Variants in ITGA8 observed in about 807,000 individuals in gnomAD.
ITGA8 encodes the protein integrin alpha-8.
A neutral mutation model predicts 142.3 loss-of-function variants in ITGA8; 91 were observed. That is an observed-to-expected ratio of 0.64 (90% CI 0.54 to 0.76). The LOEUF (loss-of-function observed/expected upper bound fraction) is 0.76, where lower values mean the gene tolerates loss of function less well. ITGA8 is among the 30% of genes least tolerant of loss of function. ITGA8 has a pLI of 0.00. For missense variants in ITGA8, 1,406 were observed against 1,327.7 expected, an observed-to-expected ratio of 1.06 and a Z score of -0.92; for synonymous variants, 505 against 485.2, an observed-to-expected ratio of 1.04 and a Z score of -0.54.
intron 26 of ITGA8, among the ~76,000 whole-genome samples, chr10:15,551,907 G>C (rs1833798334): frequency 6.6e-6 from 1 of 152,108 alleles, no homozygotes; most frequent in Non-Finnish European, 1.5e-5. Context: ...ACCAGATATG[G>C]AAATCAAGAA....
rs374308836 is a variant in ITGA8, at chr10:15,632,950, T to TTGC, written c.1399+11077_1399+11079dup. 2.6e-5 allele frequency among the ~76,000 whole-genome samples: 4 copies of TTGC among 152,272 alleles called. No homozygotes were observed. The East Asian group carries it at 5.8e-4, about 22-fold the overall frequency. On this transcript the variant is annotated intron_variant, in intron 13 of 29. Transcript: ENST00000378076. Reference sequence around the variant, plus strand: ...CCAGACACCTCCAGCTGCCCTGGCCTTGCTGCTACATCACGTGGTTCATCT... The same window carrying TTGC: ...CCAGACACCTCCAGCTGCCCTGGCCTTGCTGCTGCTACATCACGTGGTTCATCT...
rs139960766 is a variant in ITGA8 at position 15,699,790 on chromosome 10, T to C, written c.344-11752A>G. On this transcript the variant is annotated intron_variant, in intron 2 of 29. Transcript: ENST00000378076. ...GCTACAATTTTATGCCCACTAGCAG[T>C]GGAGGAGTGAGGGATTCTCAACTTT... Among the ~76,000 whole-genome samples the C allele has an allele frequency of 1.8e-3, 280 of 152,332 alleles. 1 individual carries two copies. Among genetic ancestry groups the C allele is most frequent in the African/African-American group, 6.4e-3 (266 of 41,574 alleles).
At chr10:15,593,910 C>T (rs1832967140) in intron 21 of ITGA8, among the ~76,000 whole-genome samples, 1 of 150,356 alleles carries the variant, frequency 6.7e-6, no homozygotes, top group Non-Finnish European at 1.5e-5. Flanking sequence ...GGCACAATCT[C>T]AGCTCACTGC....
At chr10:15,604,464 AAG>A in intron 19 of ITGA8, 109 bp from the exon 20 acceptor site, 1 of 810,580 alleles carries the variant, frequency 1.2e-6, no homozygotes, top group Non-Finnish European at 1.9e-6. Flanking sequence ...AGTGCAAAAA[AAG>A]AAGATGGACC....
intron 20 of ITGA8, among the ~76,000 whole-genome samples, chr10:15,601,310 C>T (rs1039895580): frequency 6.6e-6 from 1 of 152,096 alleles, no homozygotes; most frequent in African/African-American, 2.4e-5. Flanking sequence ...TGGATACAGA[C>T]ATGCTGAAGG....
intron 8 of ITGA8, among the ~76,000 whole-genome samples, chr10:15,669,883 C>T (rs1168919580): frequency 1.3e-5 from 2 of 152,156 alleles, no homozygotes; most frequent in Non-Finnish European, 2.9e-5. Flanking sequence ...AGTTTTGTCT[C>T]AGAGGACTAC....
At position 15,519,407 on chromosome 10, in the gene ITGA8, C is replaced by G. The variant is rs1354866086; in HGVS notation, c.2988G>C (p.Lys996Asn). The change falls in exon 29 of 30, where the codon AAG becomes AAC. Residue 996 changes from lysine to asparagine, a missense_variant. By Grantham distance (94) the Lys-to-Asn change is moderately conservative (BLOSUM62 0). Transcript: ENST00000378076. Reference sequence around the variant, plus strand: ...TCGGAGTTGCCCAAATAACTGATGTCTTAATCTGAAATGGAAAACAAAGCA... The same window carrying G: ...TCGGAGTTGCCCAAATAACTGATGTGTTAATCTGAAATGGAAAACAAAGCA... ...AKLPEGSIVIKTSVIWATPNV... is the reference protein window; with the variant it reads ...AKLPEGSIVINTSVIWATPNV... 6.2e-7 allele frequency: 1 copy of G among 1,613,448 alleles called. No individual in the cohort carries two copies. The highest frequency in any genetic ancestry group is 8.5e-7 in the Non-Finnish European group (1 of 1,179,744).
At chr10:15,667,352 A>G (rs189596583) in intron 8 of ITGA8, among the ~76,000 whole-genome samples, 1,941 of 152,184 alleles carry the variant, frequency 0.013, 29 homozygotes, top group African/African-American at 0.044. Flanking sequence ...TTTCTGTGGT[A>G]TCGGTGGTGA....
chr10:15,672,540 G>A (rs1834543739), intron 7 of ITGA8, 84 bp downstream of exon 7: 2 of 1,446,390 alleles, frequency 1.4e-6, no homozygotes, highest in African/African-American at 1.4e-5. Context: ...AATAACATCG[G>A]ATAAGTCAGG....
Position 15,555,370 on chromosome 10 carries a change from A to G in ITGA8, c.2766+2704T>C, listed in dbSNP as rs529799719. Among the ~76,000 whole-genome samples, 17 of 152,358 alleles carry G rather than the reference A, an allele frequency of 1.1e-4. No homozygotes were observed. In the South Asian group the frequency reaches 2.9e-3, roughly 26 times the overall value. On this transcript the variant is annotated intron_variant, in intron 26 of 29. Coordinates refer to ENST00000378076, the MANE Select transcript of ITGA8 (RefSeq NM_003638.3). ...TGAGTTCACTCACTGTGTCATTCACATGTTTGTTCAACAGATGAGCTGGTA... is the reference window on the plus strand; with the variant it reads ...TGAGTTCACTCACTGTGTCATTCACGTGTTTGTTCAACAGATGAGCTGGTA...
intron 8 of ITGA8, among the ~76,000 whole-genome samples, chr10:15,670,032 T>C (rs897337884): frequency 2.0e-5 from 3 of 152,156 alleles, no homozygotes; most frequent in African/African-American, 7.2e-5. Context: ...CACTACTCTC[T>C]TCAAAGCTCA....
intron 13 of ITGA8, among the ~76,000 whole-genome samples, chr10:15,632,081 T>C (rs1833694962): frequency 6.6e-6 from 1 of 152,034 alleles, no homozygotes. Context: ...ATCTGGATTC[T>C]GAAGGCTATA....
chr10:15,553,857 G>A (rs12771073), intron 26 of ITGA8, among the ~76,000 whole-genome samples: 77,232 of 151,850 alleles, frequency 0.51, 23,575 homozygotes, highest in Middle Eastern at 0.67. Context: ...GCCAGGTGTG[G>A]TGGCACGCAC....
chr10:15,596,525 T>A (rs1179387152), intron 21 of ITGA8: 1 of 152,314 alleles, frequency 6.6e-6, no homozygotes. Flanking sequence ...TACTTGCCAT[T>A]GAAATATTTA....
At chr10:15,587,085 G>A (rs1832845460) in intron 22 of ITGA8, among the ~76,000 whole-genome samples, 1 of 152,246 alleles carries the variant, frequency 6.6e-6, no homozygotes, top group South Asian at 2.1e-4. Context: ...ACCACACCCA[G>A]CTAATTTTTG....
At chr10:15,530,073 A>G (rs1833257695) in intron 28 of ITGA8, among the ~76,000 whole-genome samples, 1 of 152,200 alleles carries the variant, frequency 6.6e-6, no homozygotes, top group Admixed American at 6.5e-5. Context: ...ATGCTTTTCA[A>G]AAGTCTCTGA....
chr10:15,660,087 G>A (rs1229550583), intron 9 of ITGA8, among the ~76,000 whole-genome samples: 1 of 152,178 alleles, frequency 6.6e-6, no homozygotes, highest in Non-Finnish European at 1.5e-5. Flanking sequence ...TAAAATAACT[G>A]AAATAACAAT....
intron 25 of ITGA8, among the ~76,000 whole-genome samples, chr10:15,564,764 A>T (rs1276983220): frequency 6.6e-6 from 1 of 152,244 alleles, no homozygotes; most frequent in South Asian, 2.1e-4. Flanking sequence ...AGCAATGCAC[A>T]CTATCTTTTT....
rs182613827 is a variant in ITGA8 at position 15,694,690 on chromosome 10, T to C, written c.344-6652A>G. ...CTATATTTGTCGACATATATATATATATATATATATATGTCGACATATGTA... is the reference window on the plus strand; with the variant it reads ...CTATATTTGTCGACATATATATATACATATATATATATGTCGACATATGTA... On this transcript the variant is annotated intron_variant, in intron 2 of 29. Coordinates refer to ENST00000378076, the MANE Select transcript of ITGA8 (RefSeq NM_003638.3). 3.7e-3 allele frequency among the ~76,000 whole-genome samples: 504 copies of C among 134,856 alleles called. 16 individuals are homozygous for C. Among genetic ancestry groups the C allele is most frequent in the African/African-American group, 0.012 (465 of 37,492 alleles). The allele number at this position is 134,856 out of a possible 152,430, so 88.5% of individuals were successfully genotyped here.
Sources: allele counts gnomAD v4.1 joint callset (sites outside exome capture counted in the v4.1 genomes callset), GRCh38; gene constraint gnomAD v4.1.1; transcripts MANE v1.5; gene names NCBI Gene and HGNC (gene_info 2026-07-23, HGNC 2026-07-21).